Variants in OMA1 observed in about 807,000 individuals in gnomAD.
The protein encoded by OMA1 is OMA1 zinc metallopeptidase, also known as metalloendopeptidase OMA1, mitochondrial.
OMA1 carries 38 observed loss-of-function variants against 30.9 expected under a neutral mutation model. That is an observed-to-expected ratio of 1.23 (90% CI 0.95 to 1.61). The LOEUF (loss-of-function observed/expected upper bound fraction) is 1.61, where lower values mean the gene tolerates loss of function less well. OMA1 is among the 40% of genes most tolerant of loss of function. OMA1 has a pLI of 0.00. For missense variants in OMA1, 461 were observed against 349.2 expected (o/e 1.32, Z -2.55); for synonymous variants, 173 against 121.9 (o/e 1.42, Z -2.76).
At chr1:58,540,909 AAAAG>A (rs1646596924) in intron 1 of OMA1, among the ~76,000 whole-genome samples, 1 of 152,122 alleles carries the variant, frequency 6.6e-6, no homozygotes, top group South Asian at 2.1e-4. Context: ...AATCCTACAC[AAAAG>A]AAACACAAAG....
chr1:58,507,900 AC>A (rs1208771929), intron 7 of OMA1, among the ~76,000 whole-genome samples: 1 of 152,038 alleles, frequency 6.6e-6, no homozygotes, highest in East Asian at 1.9e-4. Context: ...CAAACAAAAA[AC>A]CCCTCTGAAA....
rs564421198 is a variant in OMA1 at position 58,489,934 on chromosome 1, C to A, written c.1366-8760G>T. 5.9e-3 allele frequency among the ~76,000 whole-genome samples: 902 copies of A among 152,268 alleles called. 7 individuals are homozygous for A. The highest frequency in any genetic ancestry group is 8.9e-3 in the Non-Finnish European group (602 of 68,012). On this transcript the variant is annotated intron_variant, in intron 8 of 8. Transcript: ENST00000371226. ...CAGAAAGGACATCCACACCAAAACC[C>A]CATCTGTACGTCACCATCATCAAAG... is the stretch of plus-strand genomic sequence containing the variant.
At chr1:58,497,449 C>A (rs573933994) in intron 8 of OMA1, among the ~76,000 whole-genome samples, 33 of 152,266 alleles carry the variant, frequency 2.2e-4, no homozygotes, top group African/African-American at 7.9e-4. Context: ...AATGATACTA[C>A]TTTCTGAAAT....
At position 58,485,061 on chromosome 1, in the gene OMA1, G is replaced by T. The variant is rs367959074; in HGVS notation, c.1366-3887C>A. On this transcript the variant is annotated intron_variant, in intron 8 of 8. Coordinates refer to ENST00000371226, the MANE Select transcript of OMA1 (RefSeq NM_145243.5). ...AATGGACTTTGGGTGATAATGATGGGTCAACATAGGTTCATCAATTGTAAC... is the reference window on the plus strand; with the variant it reads ...AATGGACTTTGGGTGATAATGATGGTTCAACATAGGTTCATCAATTGTAAC... 3.9e-5 allele frequency among the ~76,000 whole-genome samples: 6 copies of T among 152,038 alleles called. No individual in the cohort carries two copies. The East Asian group carries it at 5.8e-4, about 15-fold the overall frequency.
intron 8 of OMA1, among the ~76,000 whole-genome samples, chr1:58,484,118 A>T (rs1340043914): frequency 2.0e-5 from 3 of 152,208 alleles, no homozygotes; most frequent in Non-Finnish European, 2.9e-5. Flanking sequence ...AATATTTAGA[A>T]CACCACAGTG....
intron 5 of OMA1, among the ~76,000 whole-genome samples, chr1:58,533,484 AT>A (rs34391183): frequency 0.64 from 96,649 of 151,988 alleles, 32,429 homozygotes; most frequent in East Asian, 0.82. Flanking sequence ...AGGTATTGTT[AT>A]TACTCTGTAT....
chr1:58,495,414 T>TATA (rs903443511), intron 8 of OMA1, among the ~76,000 whole-genome samples: 9 of 151,830 alleles, frequency 5.9e-5, no homozygotes, highest in Non-Finnish European at 8.8e-5. Context: ...AAACTTAAAG[T>TATA]ATAATAATAA....
rs1349321655 is a variant in OMA1, at chr1:58,539,216, T to C, written c.79A>G (p.Lys27Glu). The change falls in exon 2 of 9, where the codon AAA (lysine) becomes GAA (glutamate). Residue 27 changes from lysine to glutamate, a missense_variant. Transcript: ENST00000371226. ...FRFNSLSNWRKCNTLASTSRG... is the reference protein window; with the variant it reads ...FRFNSLSNWRECNTLASTSRG... ...GAGGTGGATGCTAATGTGTTACATT[T>C]TCTCCAGTTAGACAGTGAATTAAAT... 1 of 872,818 alleles carries C rather than the reference T, an allele frequency of 1.1e-6. No individual in the cohort carries two copies. The highest frequency in any genetic ancestry group is 2.4e-5 in the East Asian group (1 of 41,700). 54.1% of individuals were successfully genotyped at this position (872,818 alleles called of 1,614,324 possible).
intron 8 of OMA1, among the ~76,000 whole-genome samples, chr1:58,485,228 T>TAAAAAAAAAAAAAA (rs71043289): frequency 9.5e-5 from 4 of 42,036 alleles, no homozygotes; most frequent in African/African-American, 9.7e-5. Flanking sequence ...AGTCTACTAC[T>TAAAAAAAAAAAAAA]AAAAAAAAAA....
chr1:58,509,265 C>A (rs1432234375), intron 7 of OMA1, among the ~76,000 whole-genome samples: 1 of 151,494 alleles, frequency 6.6e-6, no homozygotes, highest in East Asian at 1.9e-4. Flanking sequence ...TTCAAAATAA[C>A]CATCATAAAG....
At chr1:58,511,434 G>A (rs1646075165) in intron 7 of OMA1, among the ~76,000 whole-genome samples, 1 of 152,058 alleles carries the variant, frequency 6.6e-6, no homozygotes, top group Non-Finnish European at 1.5e-5. Context: ...GATTGCTTGA[G>A]ACCAGGAGTC....
At position 58,512,272 on chromosome 1, in the gene OMA1, A is replaced by G. The variant is rs1646089056; in HGVS notation, c.1216-6063T>C. ...CATCTAAGTGTTGGCAAGGATGTGA[A>G]GAAACTGGAACTCTTGTACACTGTC... On this transcript the variant is annotated intron_variant, in intron 7 of 8. Coordinates refer to ENST00000371226, the MANE Select transcript of OMA1 (RefSeq NM_145243.5). 2.6e-5 allele frequency among the ~76,000 whole-genome samples: 4 copies of G among 152,234 alleles called. No homozygotes were observed. In the South Asian group the frequency reaches 8.3e-4, roughly 32 times the overall value.
chr1:58,546,361 C>A (rs551272382), intron 1 of OMA1, among the ~76,000 whole-genome samples: 1 of 152,272 alleles, frequency 6.6e-6, no homozygotes, highest in African/African-American at 2.4e-5. Context: ...CGGATAAGGG[C>A]GGGCTGAGGG....
At chr1:58,543,710 T>C (rs1452765382) in intron 1 of OMA1, among the ~76,000 whole-genome samples, 1 of 152,168 alleles carries the variant, frequency 6.6e-6, no homozygotes, top group African/African-American at 2.4e-5. Context: ...CTTTAAAAGA[T>C]TTAAAAGATA....
intron 7 of OMA1, among the ~76,000 whole-genome samples, chr1:58,509,719 T>A (rs934145672): frequency 6.6e-6 from 1 of 151,222 alleles, no homozygotes; most frequent in Admixed American, 6.6e-5. Context: ...AAGAGCTTTT[T>A]GGGGAAAGAT....
intron 7 of OMA1, among the ~76,000 whole-genome samples, chr1:58,508,819 A>G (rs1313460298): frequency 6.6e-6 from 1 of 152,156 alleles, no homozygotes; most frequent in Non-Finnish European, 1.5e-5. Context: ...GAGAAACTCC[A>G]GAGCCCAGCT....
At chr1:58,487,547 T>C (rs185949490) in intron 8 of OMA1, among the ~76,000 whole-genome samples, 3 of 152,350 alleles carry the variant, frequency 2.0e-5, no homozygotes, top group Admixed American at 6.5e-5. Context: ...AACTAGGCAA[T>C]TGTTCTCTGA....
At chr1:58,541,279 G>A (rs1444307408) in intron 1 of OMA1, among the ~76,000 whole-genome samples, 6 of 84,536 alleles carry the variant, frequency 7.1e-5, no homozygotes, top group East Asian at 4.4e-4. Flanking sequence ...GGGCAACAGA[G>A]TGAGACTCTG....
chr1:58,541,265 G>C (rs1321975178), intron 1 of OMA1, among the ~76,000 whole-genome samples: 1 of 105,128 alleles, frequency 9.5e-6, no homozygotes, highest in Admixed American at 1.6e-4. Flanking sequence ...CTGCATTCCA[G>C]CCTGGGCAAC....
Sources: gnomAD v4.1 joint callset for allele counts (sites outside exome capture counted in the v4.1 genomes callset) on GRCh38, gnomAD v4.1.1 for gene constraint, MANE v1.5 for transcripts, NCBI Gene and HGNC (gene_info 2026-07-23, HGNC 2026-07-21) for gene names.